Variants in ODAD1 observed in about 807,000 individuals in gnomAD.
The protein encoded by ODAD1 is outer dynein arm-docking complex subunit 1.
In ODAD1, 49 loss-of-function variants were observed where a neutral mutation model predicts 67.2. The observed-to-expected ratio is 0.73, with a 90% confidence interval of 0.58 to 0.92. ODAD1 has a LOEUF of 0.92. Ranked by LOEUF, ODAD1 falls within the 40% of genes least tolerant of loss-of-function variation. The pLI, the probability that ODAD1 is intolerant of heterozygous loss-of-function variation, is 0.00. For missense variants in ODAD1, 897 were observed against 953.7 expected (o/e 0.94, Z 0.78); for synonymous variants, 345 against 393.7 (o/e 0.88, Z 1.46).
chr19:48,318,290 C>T (rs371020512), intron 5 of ODAD1, 97 bp downstream of exon 5: 3 of 1,082,234 alleles, frequency 2.8e-6, no homozygotes, highest in African/African-American at 3.2e-5. Flanking sequence ...CTGTGCCCGG[C>T]CTAATAGCCC....
chr19:48,303,228 G>A, intron 10 of ODAD1, 133 bp from the exon 11 acceptor site: 1 of 727,402 alleles, frequency 1.4e-6, no homozygotes. Flanking sequence ...AACCAAGGCA[G>A]AGAGACGAAC....
At position 48,312,178 on chromosome 19, in the gene ODAD1, C is replaced by A. The variant is rs939619391; in HGVS notation, c.361-62G>T. 3.9e-5 allele frequency: 53 copies of A among 1,350,228 alleles called. No individual in the cohort carries two copies. The African/African-American group carries it at 5.5e-4, about 14-fold the overall frequency. The allele number at this position is 1,350,228 out of a possible 1,614,324, so 83.6% of individuals were successfully genotyped here. A position where few individuals can be genotyped will look rare whatever the true frequency, so the allele number is the denominator to read the frequency against. On this transcript the variant is annotated intron_variant, in intron 5 of 15. Transcript: ENST00000674294. ...TGAATGTGGGAGAGATTGAATGGCC[C>A]AGGGAAAATGAGTCACTAAGCATGG... is the stretch of plus-strand genomic sequence containing the variant.
At chr19:48,303,126 G>A (rs778735786) in intron 10 of ODAD1, 31 bp from the exon 11 acceptor site, 1 of 1,506,356 alleles carries the variant, frequency 6.6e-7, no homozygotes, top group Non-Finnish European at 9.2e-7. Context: ...GGGGCCCAGA[G>A]AGAGGGAGAC....
rs565518741 is a variant in ODAD1 at position 48,296,879 on chromosome 19, A to G, written c.*97T>C. 2 of 1,441,242 alleles carry G rather than the reference A, an allele frequency of 1.4e-6. No homozygotes were observed. Among genetic ancestry groups the G allele is most frequent in the East Asian group, 5.0e-5 (2 of 40,208 alleles). 89.3% of individuals were successfully genotyped at this position (1,441,242 alleles called of 1,614,324 possible). A position where few individuals can be genotyped will look rare whatever the true frequency, so the allele number is the denominator to read the frequency against. ...AAGACAGAGGCCTGCCACTGGGAGA[A>G]AAAGACAGAGACCCACAAGGCAAAC... On this transcript the variant is annotated 3_prime_UTR_variant, in exon 16 of 16. Coordinates refer to ENST00000674294, the MANE Select transcript of ODAD1 (RefSeq NM_001364171.2).
rs185349587 is a variant in ODAD1 at position 48,304,179 on chromosome 19, G to A, written c.666-39C>T. The stretch of plus-strand genomic sequence containing the variant: ...CCGGGGTCAGGATGACTGGAGGCTG[G>A]ACTGGGGTCGGCCTGGGGTCCTGGG... On this transcript the variant is annotated intron_variant, in intron 8 of 15. Transcript: ENST00000674294. 5.8e-6 allele frequency: 9 copies of A among 1,561,678 alleles called. No homozygotes were observed. The African/African-American group carries it at 1.1e-4, about 19-fold the overall frequency.
chr19:48,320,443 A>C, intron 2 of ODAD1, 52 bp from the exon 3 acceptor site: 4 of 1,061,826 alleles, frequency 3.8e-6, no homozygotes, highest in Non-Finnish European at 5.0e-6. Flanking sequence ...GCCAGGGCCC[A>C]GAGAGGGTGG....
chr19:48,297,801 C>T (rs187396108), intron 14 of ODAD1, 133 bp from the exon 15 acceptor site: 465 of 937,238 alleles, frequency 5.0e-4, no homozygotes, highest in Middle Eastern at 1.5e-3. Context: ...CTGGGGCACC[C>T]GGGGCCCCAT....
At position 48,296,839 on chromosome 19, in the gene ODAD1, A is replaced by C. The variant is rs1968294910; in HGVS notation, c.*137T>G. 2.1e-6 allele frequency: 3 copies of C among 1,432,586 alleles called. No homozygotes were observed. The East Asian group carries it at 7.5e-5, about 36-fold the overall frequency. 88.7% of individuals were successfully genotyped at this position (1,432,586 alleles called of 1,614,324 possible). A position where few individuals can be genotyped will look rare whatever the true frequency, so the allele number is the denominator to read the frequency against. On this transcript the variant is annotated 3_prime_UTR_variant, in exon 16 of 16. Coordinates refer to ENST00000674294, the MANE Select transcript of ODAD1 (RefSeq NM_001364171.2). ...GCGGTGATGAAGGGCAGATGAAAAC[A>C]GTTGAAGGGGCAAAAAGACAGAGGC... is the stretch of plus-strand genomic sequence containing the variant.
At position 48,303,608 on chromosome 19, in the gene ODAD1, C is replaced by T. The variant is rs199802867; in HGVS notation, c.988+42G>A. The T allele has an allele frequency of 1.4e-5, 22 of 1,612,268 alleles. No individual in the cohort carries two copies. The East Asian group carries it at 1.6e-4, about 11-fold the overall frequency. ...AGCCTGCACTGGACTCAGGGGGTGC[C>T]GGGGTCCCGGGCCTCCTCCCTCCAC... On this transcript the variant is annotated intron_variant, in intron 10 of 15. Coordinates refer to ENST00000674294, the MANE Select transcript of ODAD1 (RefSeq NM_001364171.2).
chr19:48,307,305 T>C (rs969044878), intron 7 of ODAD1, among the ~76,000 whole-genome samples: 1 of 151,984 alleles, frequency 6.6e-6, no homozygotes, highest in African/African-American at 2.4e-5. Context: ...TTGTAAAATA[T>C]GTCAGCCAGG....
chr19:48,311,275 G>C (rs540794016), intron 7 of ODAD1, among the ~76,000 whole-genome samples: 2 of 152,240 alleles, frequency 1.3e-5, no homozygotes, highest in East Asian at 3.9e-4. Context: ...GATCCCCGTG[G>C]AATGTATAAT....
intron 12 of ODAD1, 109 bp from the exon 13 acceptor site, chr19:48,298,449 C>G (rs1198883873): frequency 5.6e-5 from 66 of 1,171,498 alleles, no homozygotes; most frequent in Non-Finnish European, 7.7e-5. Flanking sequence ...GCGGTCAAGG[C>G]TCAGAGACCA....
rs774906297 is a variant in ODAD1 at position 48,297,341 on chromosome 19, T to A, written c.1759A>T (p.Thr587Ser). 6.2e-7 allele frequency: 1 copy of A among 1,612,300 alleles called. No individual in the cohort carries two copies. Among genetic ancestry groups the A allele is most frequent in the Admixed American group, 1.7e-5 (1 of 60,022 alleles). The change falls in exon 16 of 16, where the codon ACT becomes TCT. Residue 587 changes from threonine to serine, a missense_variant. Physicochemically the swap from Thr to Ser is moderately conservative, Grantham distance 58 (BLOSUM62 1). Coordinates refer to ENST00000674294, the MANE Select transcript of ODAD1 (RefSeq NM_001364171.2). ...CCAAGAGAGCCACGGTCTCTGCTAG[T>A]CTTGTGGCTCAAAATGGACCCGGGG... Reference protein sequence around the residue: ...AIPGSILSHKTSRDRGSLGHV... With the variant: ...AIPGSILSHKSSRDRGSLGHV...
intron 12 of ODAD1, among the ~76,000 whole-genome samples, chr19:48,299,336 G>A (rs1216032979): frequency 6.6e-6 from 1 of 152,096 alleles, no homozygotes; most frequent in Non-Finnish European, 1.5e-5. Flanking sequence ...GCTTGAACCC[G>A]GGAGATGGAC....
intron 5 of ODAD1, among the ~76,000 whole-genome samples, chr19:48,316,713 C>T (rs1452215478): frequency 6.6e-6 from 1 of 152,114 alleles, no homozygotes; most frequent in Non-Finnish European, 1.5e-5. Flanking sequence ...TAAAGGGGTT[C>T]CGAGCCAGGC....
chr19:48,298,650 A>G (rs1297100241), intron 12 of ODAD1, among the ~76,000 whole-genome samples: 3 of 152,140 alleles, frequency 2.0e-5, no homozygotes, highest in African/African-American at 7.2e-5. Context: ...ACTTGGCTTG[A>G]CACGCTGCTG....
intron 10 of ODAD1, 49 bp downstream of exon 10, chr19:48,303,601 G>C: frequency 6.2e-7 from 1 of 1,611,346 alleles, no homozygotes; most frequent in Admixed American, 1.7e-5. Context: ...CTGGACTCAG[G>C]GGGTGCCGGG....
rs1968956618 is a variant in ODAD1 at position 48,318,399 on chromosome 19, G to A, written c.348C>T (p.Ala116=). ...TCTCAAACCCCACCTGCTTGTCCAG[G>A]GCCCTGGTCTGCTCCTGCAGCTCCT... ...EIEELQEQTR[A]LDKQIQEWET... Residue 116 remains alanine, a synonymous_variant, in exon 5 of 16, where the codon GCC becomes GCT. Coordinates refer to ENST00000674294, the MANE Select transcript of ODAD1 (RefSeq NM_001364171.2). 1 of 1,551,376 alleles carries A rather than the reference G, an allele frequency of 6.4e-7. No homozygotes were observed. Among genetic ancestry groups the A allele is most frequent in the Non-Finnish European group, 8.7e-7 (1 of 1,146,850 alleles).
intron 5 of ODAD1, among the ~76,000 whole-genome samples, chr19:48,313,312 C>G (rs1968813850): frequency 6.6e-6 from 1 of 151,424 alleles, no homozygotes; most frequent in Non-Finnish European, 1.5e-5. Flanking sequence ...CCTGTAATCC[C>G]AGCTACTCGG....
Sources: allele counts gnomAD v4.1 joint callset (sites outside exome capture counted in the v4.1 genomes callset), GRCh38; gene constraint gnomAD v4.1.1; transcripts MANE v1.5; gene names NCBI Gene and HGNC (gene_info 2026-07-23, HGNC 2026-07-21).